Variants in CSMD3 observed in about 807,000 individuals in gnomAD.
CSMD3 encodes CUB and sushi domain-containing protein 3.
Under a neutral mutation model 435.2 loss-of-function variants are expected in CSMD3, and 177 were observed. The ratio of observed to expected loss-of-function variants is 0.41; its 90% CI spans 0.36 to 0.46. The LOEUF (loss-of-function observed/expected upper bound fraction) is 0.46. CSMD3 is among the 20% of genes least tolerant of loss of function. The pLI is 0.34. For missense variants in CSMD3, 4,265 were observed against 4,504.6 expected (o/e 0.95, Z 1.52); for synonymous variants, 1,656 against 1,520.5 (o/e 1.09, Z -2.07).
At chr8:113,180,426 A>G (rs2092407035) in intron 3 of CSMD3, among the ~76,000 whole-genome samples, 1 of 152,004 alleles carries the variant, frequency 6.6e-6, no homozygotes, top group Non-Finnish European at 1.5e-5. Flanking sequence ...TATTGCATCT[A>G]TAACGTCCTC....
intron 27 of CSMD3, among the ~76,000 whole-genome samples, chr8:112,530,889 C>A (rs1221324656): frequency 6.6e-6 from 1 of 152,176 alleles, no homozygotes. Flanking sequence ...CCCTAGCTGA[C>A]TGAAATGGTC....
intron 6 of CSMD3, chr8:113,018,759 C>A (rs923310215): frequency 5.3e-5 from 17 of 318,694 alleles, no homozygotes; most frequent in African/African-American, 3.7e-4. Context: ...CAGTGATTTG[C>A]GGTACAACTT....
At chr8:113,207,590 C>T (rs1183810333) in intron 3 of CSMD3, among the ~76,000 whole-genome samples, 4 of 151,950 alleles carry the variant, frequency 2.6e-5, no homozygotes, top group Admixed American at 6.6e-5. Flanking sequence ...ACCATATTGG[C>T]CAGGCTGGTC....
intron 12 of CSMD3, among the ~76,000 whole-genome samples, chr8:112,828,312 C>T (rs2079758873): frequency 6.6e-6 from 1 of 152,128 alleles, no homozygotes; most frequent in African/African-American, 2.4e-5. Flanking sequence ...GGATTTGTGT[C>T]CCCACCCAAA....
At chr8:112,296,298 A>G (rs1820261798) in intron 53 of CSMD3, among the ~76,000 whole-genome samples, 1 of 152,162 alleles carries the variant, frequency 6.6e-6, no homozygotes, top group African/African-American at 2.4e-5. Context: ...CACGCCTGTA[A>G]TCCCAGCACT....
chr8:112,443,416 T>C (rs1238539584), intron 32 of CSMD3, among the ~76,000 whole-genome samples: 2 of 152,214 alleles, frequency 1.3e-5, no homozygotes, highest in Non-Finnish European at 2.9e-5. Context: ...GATAAAAGAC[T>C]ATATTTCAAC....
At chr8:112,309,942 A>G (rs1260815511) in intron 50 of CSMD3, among the ~76,000 whole-genome samples, 1 of 152,170 alleles carries the variant, frequency 6.6e-6, no homozygotes, top group Non-Finnish European at 1.5e-5. Flanking sequence ...GGTAATAAGT[A>G]AGACTTCTTG....
chr8:112,576,301 T>G (rs1022206530), intron 23 of CSMD3, among the ~76,000 whole-genome samples: 1 of 152,058 alleles, frequency 6.6e-6, no homozygotes, highest in Admixed American at 6.6e-5. Context: ...TAGTAGAAAC[T>G]ATTACTTGAT....
At chr8:113,126,705 C>T (rs1035172193) in intron 4 of CSMD3, among the ~76,000 whole-genome samples, 1 of 151,716 alleles carries the variant, frequency 6.6e-6, no homozygotes, top group Admixed American at 6.6e-5. Flanking sequence ...TGGGCTATAC[C>T]ACTCCTTTTT....
At chr8:112,409,708 C>T (rs185560931) in intron 32 of CSMD3, among the ~76,000 whole-genome samples, 6 of 151,868 alleles carry the variant, frequency 4.0e-5, no homozygotes, top group Admixed American at 3.9e-4. Context: ...AAGTACATAC[C>T]AACAGAGCTT....
At chr8:113,221,705 A>G (rs1351215975) in intron 3 of CSMD3, among the ~76,000 whole-genome samples, 3 of 151,168 alleles carry the variant, frequency 2.0e-5, no homozygotes, top group East Asian at 1.9e-4. Flanking sequence ...TCTTCCTTAC[A>G]TATTTTGCCC....
chr8:113,157,037 C>CTATTAA (rs60615527), intron 4 of CSMD3, among the ~76,000 whole-genome samples: 101,528 of 151,112 alleles, frequency 0.67, 35,671 homozygotes, highest in East Asian at 0.95. Flanking sequence ...CATTAGTTTA[C>CTATTAA]TAACAAAAAT....
At chr8:113,073,948 G>C (rs1339895782) in intron 5 of CSMD3, among the ~76,000 whole-genome samples, 1 of 151,466 alleles carries the variant, frequency 6.6e-6, no homozygotes, top group African/African-American at 2.4e-5. Flanking sequence ...CTCCTATACT[G>C]ATCCAAGTAT....
intron 1 of CSMD3, among the ~76,000 whole-genome samples, chr8:113,374,643 C>T (rs1451276234): frequency 2.0e-5 from 3 of 151,718 alleles, no homozygotes; most frequent in Non-Finnish European, 4.4e-5. Flanking sequence ...AATCCAACAT[C>T]GATATTACTT....
At chr8:113,150,723 C>T (rs2091786402) in intron 4 of CSMD3, among the ~76,000 whole-genome samples, 1 of 151,940 alleles carries the variant, frequency 6.6e-6, no homozygotes, top group Non-Finnish European at 1.5e-5. Flanking sequence ...ATACATAACA[C>T]ATTGTATTAA....
chr8:113,096,421 A>C (rs1451588557), intron 5 of CSMD3, among the ~76,000 whole-genome samples: 3 of 152,186 alleles, frequency 2.0e-5, no homozygotes, highest in African/African-American at 4.8e-5. Context: ...TATCTTGAAA[A>C]CCCAATAATT....
intron 22 of CSMD3, among the ~76,000 whole-genome samples, chr8:112,589,540 C>T (rs113617656): frequency 3.9e-5 from 6 of 152,242 alleles, no homozygotes; most frequent in African/African-American, 1.4e-4. Context: ...TGGTTCCATG[C>T]TTATGAATGC....
Position 112,244,536 on chromosome 8 carries a change from T to A in CSMD3, c.10260A>T (p.Ala3420=), listed in dbSNP as rs1814513764. Residue 3420 remains alanine (A), a synonymous_variant, in exon 65 of 71, where the codon GCA becomes GCT. Coordinates refer to ENST00000297405, the MANE Select transcript of CSMD3 (RefSeq NM_198123.2). The part of the protein sequence containing the change: ...SCKQPETPAH[A]NVVGMDLPSH... Reference sequence around the variant, plus strand: ...ATGGAAGGTCCATCCCTACGACATTTGCATGAGCAGGAGTTTCTGGCTGTT... The same window carrying A: ...ATGGAAGGTCCATCCCTACGACATTAGCATGAGCAGGAGTTTCTGGCTGTT... 6.2e-7 allele frequency: 1 copy of A among 1,613,762 alleles called. No homozygotes were observed. The highest frequency in any genetic ancestry group is 8.5e-7 in the Non-Finnish European group (1 of 1,179,860).
intron 12 of CSMD3, among the ~76,000 whole-genome samples, chr8:112,821,874 C>T (rs372317370): frequency 1.4e-4 from 21 of 152,144 alleles, no homozygotes; most frequent in African/African-American, 5.1e-4. Context: ...ATATGGCTAG[C>T]CAGTTTTCCC....
Sources: gnomAD v4.1 joint callset for allele counts (sites outside exome capture counted in the v4.1 genomes callset) on GRCh38, gnomAD v4.1.1 for gene constraint, MANE v1.5 for transcripts, NCBI Gene and HGNC (gene_info 2026-07-23, HGNC 2026-07-21) for gene names.